RAD51B: variants seen among roughly 807,000 people sequenced by gnomAD.
RAD51B encodes the protein RAD51 paralog B.
A neutral mutation model predicts 42.2 loss-of-function variants in RAD51B; 38 were observed. The ratio of observed to expected loss-of-function variants is 0.90; its 90% CI spans 0.70 to 1.18. The LOEUF (loss-of-function observed/expected upper bound fraction) is 1.18, where lower values mean the gene tolerates loss of function less well. Ranked by LOEUF, RAD51B falls within the 50% of genes most tolerant of loss-of-function variation. The pLI, the probability that RAD51B is intolerant of heterozygous loss-of-function variation, is 0.00. For missense variants in RAD51B, 373 were observed against 400.7 expected (o/e 0.93, Z 0.59); for synonymous variants, 154 against 145.2 (o/e 1.06, Z -0.43).
rs544769250 is a variant in RAD51B at position 68,275,562 on chromosome 14, G to A, written c.757-16322G>A. The stretch of plus-strand genomic sequence containing the variant: ...CTCTCCTGCCTGCGAGGGAATTGGC[G>A]AGAAGCTATCAGGATACGCATGGAT... On this transcript the variant is annotated intron_variant, in intron 7 of 10. Coordinates refer to ENST00000471583, the MANE Select transcript of RAD51B (RefSeq NM_133510.4). 5.9e-5 allele frequency among the ~76,000 whole-genome samples: 9 copies of A among 152,268 alleles called. No homozygotes were observed. In the South Asian group the frequency reaches 8.3e-4, roughly 14 times the overall value.
chr14:67,996,030 A>G (rs549998119), intron 7 of RAD51B, among the ~76,000 whole-genome samples: 2 of 152,220 alleles, frequency 1.3e-5, no homozygotes, highest in African/African-American at 4.8e-5. Context: ...GTGAAAAAAG[A>G]AAAAGTAGGG....
At chr14:67,903,189 T>C (rs959671559) in intron 7 of RAD51B, among the ~76,000 whole-genome samples, 3 of 152,252 alleles carry the variant, frequency 2.0e-5, no homozygotes, top group Admixed American at 1.3e-4. Flanking sequence ...GTTTAGTTGG[T>C]TTGTCTGTAT....
Position 68,460,656 on chromosome 14 carries a change from G to C in RAD51B, c.958-7516G>C, listed in dbSNP as rs149290503. Among the ~76,000 whole-genome samples, 30 of 152,288 alleles carry C rather than the reference G, an allele frequency of 2.0e-4. No homozygotes were observed. In the East Asian group the frequency reaches 5.2e-3, roughly 26 times the overall value. Reference sequence around the variant, plus strand: ...TAGAAGGTGTCGCCATCCTGGAGAAGGCCTGGGGTGACTATGCCCAGCACT... The same window carrying C: ...TAGAAGGTGTCGCCATCCTGGAGAACGCCTGGGGTGACTATGCCCAGCACT... On this transcript the variant is annotated intron_variant, in intron 9 of 10. Coordinates refer to ENST00000471583, the MANE Select transcript of RAD51B (RefSeq NM_133510.4).
intron 7 of RAD51B, among the ~76,000 whole-genome samples, chr14:68,131,951 A>G (rs1264100308): frequency 1.3e-5 from 2 of 152,208 alleles, no homozygotes; most frequent in East Asian, 3.8e-4. Context: ...TAAACTAACC[A>G]GTTAATAGCA....
At chr14:68,159,864 C>T (rs763954305) in intron 7 of RAD51B, among the ~76,000 whole-genome samples, 16 of 152,010 alleles carry the variant, frequency 1.1e-4, no homozygotes, top group Non-Finnish European at 2.2e-4. Context: ...TATAAGCAGT[C>T]ACTTATTAAC....
Position 67,865,085 on chromosome 14 carries a change from G to T in RAD51B, c.398G>T (p.Gly133Val). Residue 133 changes from glycine (G) to valine (V), a missense_variant, in exon 5 of 11, where the codon GGA (glycine) becomes GTA (valine). Transcript: ENST00000471583. The stretch of plus-strand genomic sequence containing the variant: ...GCTACATTACCCACCAACATGGGAG[G>T]ATTAGAAGGAGCTGTGGTGTACATT... ...ILATLPTNMG[G>V]LEGAVVYIDT... 1 of 1,593,890 alleles carries T rather than the reference G, an allele frequency of 6.3e-7. No individual in the cohort carries two copies. The highest frequency in any genetic ancestry group is 8.6e-7 in the Non-Finnish European group (1 of 1,169,256).
intron 4 of RAD51B, among the ~76,000 whole-genome samples, chr14:67,839,330 G>C (rs540040924): frequency 6.6e-6 from 1 of 152,048 alleles, no homozygotes; most frequent in Non-Finnish European, 1.5e-5. Flanking sequence ...CTTCTGAGAA[G>C]ATTTTTTAAA....
chr14:68,237,043 CCTG>C (rs1312554384), intron 7 of RAD51B, among the ~76,000 whole-genome samples: 1 of 152,214 alleles, frequency 6.6e-6, no homozygotes, highest in Non-Finnish European at 1.5e-5. Context: ...CCTTTATTCA[CCTG>C]CTATTTCAAT....
chr14:68,288,584 G>A (rs998825394), intron 7 of RAD51B, among the ~76,000 whole-genome samples: 22 of 152,320 alleles, frequency 1.4e-4, no homozygotes, highest in East Asian at 1.9e-4. Flanking sequence ...CAATAAAACC[G>A]TCATCTCAGT....
At chr14:68,223,372 G>A (rs1458881743) in intron 7 of RAD51B, among the ~76,000 whole-genome samples, 3 of 152,150 alleles carry the variant, frequency 2.0e-5, no homozygotes, top group Admixed American at 1.3e-4. Flanking sequence ...TAGATTTTCT[G>A]TTGAGAAACA....
chr14:67,917,881 A>G (rs1424232878), intron 7 of RAD51B, among the ~76,000 whole-genome samples: 2 of 152,180 alleles, frequency 1.3e-5, no homozygotes, highest in African/African-American at 4.8e-5. Context: ...AATGACATCT[A>G]CCAATGGGTT....
chr14:68,585,309 T>C (rs1412342581), intron 10 of RAD51B, among the ~76,000 whole-genome samples: 1 of 152,180 alleles, frequency 6.6e-6, no homozygotes, highest in Non-Finnish European at 1.5e-5. Flanking sequence ...TAAGCCCAAT[T>C]CCTGCTTCAC....
chr14:68,481,356 C>T (rs1883166357), downstream of RAD51B, among the ~76,000 whole-genome samples: 1 of 152,056 alleles, frequency 6.6e-6, no homozygotes, highest in Non-Finnish European at 1.5e-5. Context: ...AAGAGGAAAA[C>T]ATATCCTAAT....
chr14:68,260,773 C>T (rs1015760844), intron 7 of RAD51B, among the ~76,000 whole-genome samples: 1 of 152,120 alleles, frequency 6.6e-6, no homozygotes, highest in Non-Finnish European at 1.5e-5. Flanking sequence ...GCCAAGCTTC[C>T]ATATTTGGGG....
chr14:67,847,746 G>A (rs1422022561), intron 4 of RAD51B, among the ~76,000 whole-genome samples: 1 of 152,196 alleles, frequency 6.6e-6, no homozygotes, highest in Non-Finnish European at 1.5e-5. Flanking sequence ...TGAGAAGAAT[G>A]TATATTCTGT....
intron 9 of RAD51B, among the ~76,000 whole-genome samples, chr14:68,465,700 G>T (rs915850410): frequency 1.3e-5 from 2 of 152,074 alleles, no homozygotes; most frequent in Non-Finnish European, 2.9e-5. Flanking sequence ...CCAGCACTTT[G>T]GGAGGCCAGG....
intron 8 of RAD51B, among the ~76,000 whole-genome samples, chr14:68,312,414 T>G (rs1353295210): frequency 1.3e-5 from 2 of 152,216 alleles, no homozygotes; most frequent in East Asian, 3.8e-4. Flanking sequence ...ACTCATCCAG[T>G]TATTAAGACA....
At chr14:68,133,685 G>A (rs992592012) in intron 7 of RAD51B, among the ~76,000 whole-genome samples, 1 of 152,076 alleles carries the variant, frequency 6.6e-6, no homozygotes, top group Non-Finnish European at 1.5e-5. Context: ...TATTGGCCAG[G>A]CTGGTCTCGA....
intron 10 of RAD51B, chr14:68,541,102 G>A (rs561121250): frequency 2.0e-5 from 20 of 985,434 alleles, no homozygotes; most frequent in East Asian, 1.1e-4. Context: ...GAAGCCCTCT[G>A]TGATGTTTCC....
Sources: allele counts gnomAD v4.1 joint callset (sites outside exome capture counted in the v4.1 genomes callset), GRCh38; gene constraint gnomAD v4.1.1; transcripts MANE v1.5; gene names NCBI Gene and HGNC (gene_info 2026-07-23, HGNC 2026-07-21).